CD93: variants seen among roughly 807,000 people sequenced by gnomAD.
CD93 encodes complement component C1q receptor.
CD93 carries 44 observed loss-of-function variants against 45.5 expected under a neutral mutation model. The observed-to-expected ratio is 0.97, with a 90% CI of 0.76 to 1.24. The LOEUF (loss-of-function observed/expected upper bound fraction) is 1.24. CD93 is among the 50% of genes most tolerant of loss of function. CD93 has a pLI of 0.00. For missense variants in CD93, 918 were observed against 844.5 expected, an observed-to-expected ratio of 1.09 and a Z score of -1.08; for synonymous variants, 431 against 370.8, an observed-to-expected ratio of 1.16 and a Z score of -1.87.
rs1466684218 is a variant in CD93 at position 23,085,536 on chromosome 20, A to G, written c.657T>C (p.Ser219=). 2 of 1,613,950 alleles carry G rather than the reference A, an allele frequency of 1.2e-6. No individual in the cohort carries two copies. Among genetic ancestry groups the G allele is most frequent in the South Asian group, 1.1e-5 (1 of 91,088 alleles). The change falls in exon 1 of 2, where the codon TCT becomes TCC. Residue 219 remains serine, a synonymous_variant. Coordinates refer to ENST00000246006, the MANE Select transcript of CD93 (RefSeq NM_012072.4). ...SSSLEAVPFA[S]AANVACGEGD... ...CTTCCCCACAGGCTACATTGGCCGC[A>G]GAGGCAAAGGGCACAGCCTCCAAGG...
Position 23,085,756 on chromosome 20 carries a change from A to C in CD93, c.437T>G (p.Leu146Arg), listed in dbSNP as rs1985478118. ...CISKRCVSLL[L>R]DLSQPLLPSR... ...GGGAAGGAGCGGCTGGGACAGGTCCAGCAGCAGAGACACACAGCGCTTGGA... is the reference window on the plus strand; with the variant it reads ...GGGAAGGAGCGGCTGGGACAGGTCCCGCAGCAGAGACACACAGCGCTTGGA... Residue 146 changes from leucine (L) to arginine (R), a missense_variant, in exon 1 of 2, where the codon CTG (leucine) becomes CGG (arginine). Leu to Arg is a moderately radical substitution (Grantham distance 102). Transcript: ENST00000246006. 6.2e-7 allele frequency: 1 copy of C among 1,610,508 alleles called. No homozygotes were observed. The highest frequency in any genetic ancestry group is 1.3e-5 in the African/African-American group (1 of 74,948).
chr20:23,085,987 G>A lies in CD93; in HGVS notation c.206C>T (p.Ala69Val), dbSNP rs748118858. 5 of 1,610,978 alleles carry A rather than the reference G, an allele frequency of 3.1e-6. No individual in the cohort carries two copies. The highest frequency in any genetic ancestry group is 4.2e-6 in the Non-Finnish European group (5 of 1,179,472). The change falls in exon 1 of 2, where the codon GCC becomes GTC. Residue 69 changes from alanine to valine, a missense_variant. Ala to Val is a moderately conservative substitution (Grantham distance 64). Transcript: ENST00000246006. ...NLATVKSKEE[A>V]QHVQRVLAQL... ...GGCCAGTACTCGCTGGACGTGCTGG[G>A]CCTCCTCCTTGCTCTTCACAGTGGC...
In CD93 at chr20:23,085,154, C is replaced by T; in HGVS notation, c.1039G>A (p.Asp347Asn). ...DSSQLDCVDV[D>N]ECQDSPCAQE... ...GCACAGGGGGAGTCCTGGCATTCAT[C>T]CACGTCCACACAGTCCAGCTGACTC... Residue 347 changes from aspartate (D) to asparagine (N), a missense_variant, in exon 1 of 2, where the codon GAT (aspartate) becomes AAT (asparagine). Transcript: ENST00000246006. 2 of 1,581,126 alleles carry T rather than the reference C, an allele frequency of 1.3e-6. No homozygotes were observed. The highest frequency in any genetic ancestry group is 1.7e-6 in the Non-Finnish European group (2 of 1,162,212).
At position 23,084,575 on chromosome 20, in the gene CD93, A is replaced by G. The variant is rs775280828; in HGVS notation, c.1618T>C (p.Ser540Pro). 1.2e-6 allele frequency: 2 copies of G among 1,612,082 alleles called. No homozygotes were observed. Among genetic ancestry groups the G allele is most frequent in the Admixed American group, 3.3e-5 (2 of 59,900 alleles). Reference protein sequence around the residue: ...APLKMLAPSGSPGVWREPSIH... With the variant: ...APLKMLAPSGPPGVWREPSIH... ...CTGGGCTCCCTCCAGACGCCTGGGGACCCACTGGGGGCCAGCATCTTGAGT... is the reference window on the plus strand; with the variant it reads ...CTGGGCTCCCTCCAGACGCCTGGGGGCCCACTGGGGGCCAGCATCTTGAGT... The change falls in exon 1 of 2, where the codon TCC (serine) becomes CCC (proline). Residue 540 changes from serine to proline, a missense_variant. Coordinates refer to ENST00000246006, the MANE Select transcript of CD93 (RefSeq NM_012072.4).
chr20:23,082,568 TGAGA>T lies in CD93; in HGVS notation c.*1378_*1381del, dbSNP rs759172920. 0.011 allele frequency: 1,602 copies of T among 146,864 alleles called. 29 individuals are homozygous for T. The highest frequency in any genetic ancestry group is 0.038 in the African/African-American group (1,457 of 38,344). The allele number at this position is 146,864 out of a possible 1,614,324, so 9.1% of individuals were successfully genotyped here. A position where few individuals can be genotyped will look rare whatever the true frequency, so the allele number is the denominator to read the frequency against. On this transcript the variant is annotated 3_prime_UTR_variant, in exon 2 of 2. Transcript: ENST00000246006. ...GTGTGTGTGTGTGTGTGTGTGTGTG[TGAGA>T]GAGAGAGAGAGAGAGAAAGAGTGCA...
chr20:23,084,995 A>C lies in CD93; in HGVS notation c.1198T>G (p.Cys400Gly). ...TGAAATGAGCCATCTGTGTTGGTGCAGCCCTGGGCGCAAGGCGAGCGACCC... is the reference window on the plus strand; with the variant it reads ...TGAAATGAGCCATCTGTGTTGGTGCCGCCCTGGGCGCAAGGCGAGCGACCC... ...ALGRSPCAQG[C>G]TNTDGSFHCS... The change falls in exon 1 of 2, where the codon TGC (cysteine) becomes GGC (glycine). Residue 400 changes from cysteine to glycine, a missense_variant. Coordinates refer to ENST00000246006, the MANE Select transcript of CD93 (RefSeq NM_012072.4). The C allele has an allele frequency of 6.2e-7, 1 of 1,613,920 alleles. No homozygotes were observed.
chr20:23,084,358 T>C lies in CD93; in HGVS notation c.1835A>G (p.Lys612Arg), dbSNP rs1165577853. 1.2e-6 allele frequency: 2 copies of C among 1,614,242 alleles called. No homozygotes were observed. Among genetic ancestry groups the C allele is most frequent in the Non-Finnish European group, 8.5e-7 (1 of 1,180,042 alleles). The stretch of plus-strand genomic sequence containing the variant: ...CTTCTTCTCCTTCTTCTCCTCCCTC[T>C]TCGCTCTCCGCTTGCGATAGACCAG... ...GLLVYRKRRA[K>R]REEKKEKKPQ... is the part of the protein sequence containing the mutation. Residue 612 changes from lysine to arginine, a missense_variant, in exon 1 of 2, where the codon AAG becomes AGG. Transcript: ENST00000246006.
At chr20:23,084,107 G>A (rs2122705985) in intron 1 of CD93, 133 bp from the exon 2 acceptor site, 1 of 1,411,860 alleles carries the variant, frequency 7.1e-7, no homozygotes, top group Admixed American at 1.7e-5. Flanking sequence ...CGAGTGCCTG[G>A]CGTGGGGGGA....
rs772853677 is a variant in CD93 at position 23,085,065 on chromosome 20, G to T, written c.1128C>A (p.Gly376=). The part of the protein sequence containing the change: ...RCECWVGYEP[G]GPGEGACQDV... ...CCTGACAGGCCCCCTCTCCAGGACC[G>T]CCCGGCTCATAGCCAACCCAGCATT... The change falls in exon 1 of 2, where the codon GGC becomes GGA. Residue 376 remains glycine (G), a synonymous_variant. Coordinates refer to ENST00000246006, the MANE Select transcript of CD93 (RefSeq NM_012072.4). 2.5e-6 allele frequency: 4 copies of T among 1,612,786 alleles called. No homozygotes were observed. The highest frequency in any genetic ancestry group is 1.7e-5 in the Admixed American group (1 of 59,898).
At chr20:23,084,034 C>T in intron 1 of CD93, 60 bp from the exon 2 acceptor site, 1 of 1,602,582 alleles carries the variant, frequency 6.2e-7, no homozygotes, top group East Asian at 2.2e-5. Context: ...TGCACGTCCC[C>T]ACCTTGGGAG....
rs1391960022 is a variant in CD93, at chr20:23,084,867, C to G, written c.1326G>C (p.Leu442Phe). 1.9e-6 allele frequency: 3 copies of G among 1,613,122 alleles called. No homozygotes were observed. The South Asian group carries it at 3.3e-5, about 18-fold the overall frequency. ...GGAAGGACCCTTGTGTGTTGAAGCA[C>G]AAGCTGTCGCAGAGGGGGCCCCCCG... ...VGPGGPLCDSLCFNTQGSFHC... is the reference protein window; with the variant it reads ...VGPGGPLCDSFCFNTQGSFHC... Residue 442 changes from leucine to phenylalanine, a missense_variant, in exon 1 of 2, where the codon TTG becomes TTC. Leu to Phe is a conservative substitution (Grantham distance 22). Transcript: ENST00000246006.
rs1418388021 is a variant in CD93 at position 23,084,665 on chromosome 20, G to A, written c.1528C>T (p.Pro510Ser). The A allele has an allele frequency of 1.9e-6, 3 of 1,587,526 alleles. No homozygotes were observed. Among genetic ancestry groups the A allele is most frequent in the South Asian group, 1.1e-5 (1 of 86,960 alleles). ...ASPTRGPEGT[P>S]KATPTTSRPS... is the part of the protein sequence containing the mutation. ...CTACTTGTGGTGGGTGTAGCCTTGG[G>A]GGTGCCCTCGGGGCCCCTTGTGGGA... The change falls in exon 1 of 2, where the codon CCC becomes TCC. Residue 510 changes from proline (P) to serine (S), a missense_variant. Coordinates refer to ENST00000246006, the MANE Select transcript of CD93 (RefSeq NM_012072.4).
In CD93 at chr20:23,084,401, C is replaced by T; in HGVS notation, c.1792G>A (p.Ala598Thr). ...TAGACCAGTAGCCCCAGAGCCAGGG[C>T]CAGCAGGAGTAGGATGGCCACCACG... Reference protein sequence around the residue: ...GTVVAILLLLALALGLLVYRK... With the variant: ...GTVVAILLLLTLALGLLVYRK... Residue 598 changes from alanine (A) to threonine (T), a missense_variant, in exon 1 of 2, where the codon GCC (alanine) becomes ACC (threonine). Transcript: ENST00000246006. 1 of 1,614,206 alleles carries T rather than the reference C, an allele frequency of 6.2e-7. No homozygotes were observed. The highest frequency in any genetic ancestry group is 8.5e-7 in the Non-Finnish European group (1 of 1,180,036).
In CD93 at chr20:23,085,047, G is replaced by C; in HGVS notation, c.1146C>G (p.Ala382=). 1 of 1,613,898 alleles carries C rather than the reference G, an allele frequency of 6.2e-7. No homozygotes were observed. Among genetic ancestry groups the C allele is most frequent in the Non-Finnish European group, 8.5e-7 (1 of 1,179,946 alleles). The change falls in exon 1 of 2, where the codon GCC becomes GCG. Residue 382 remains alanine, a synonymous_variant. Coordinates refer to ENST00000246006, the MANE Select transcript of CD93 (RefSeq NM_012072.4). ...GAGCACACTCATCCACATCCTGACA[G>C]GCCCCCTCTCCAGGACCGCCCGGCT... ...GYEPGGPGEG[A]CQDVDECALG...
Position 23,084,173 on chromosome 20 carries a change from C to T in CD93, c.1934+86G>A, listed in dbSNP as rs11087413. 851,418 of 1,519,054 alleles carry T rather than the reference C, an allele frequency of 0.56. 244,047 individuals are homozygous for T. Among genetic ancestry groups the T allele is most frequent in the East Asian group, 0.8 (35,243 of 44,318 alleles). The allele number at this position is 1,519,054 out of a possible 1,614,324, so 94.1% of individuals were successfully genotyped here. ...GTGTCTGCCCACAGGAAACCTGGGC[C>T]TGCTCTTGCTGCCACCTCTTTGTAC... On this transcript the variant is annotated intron_variant, in intron 1 of 1. Transcript: ENST00000246006.
chr20:23,083,806 G>C lies in CD93; in HGVS notation c.*144C>G. The stretch of plus-strand genomic sequence containing the variant: ...TAGAAAATACCTGCATGTTCCAAGG[G>C]GCCTTTAAGGAGGAGACTTACAATT... On this transcript the variant is annotated 3_prime_UTR_variant, in exon 2 of 2. Coordinates refer to ENST00000246006, the MANE Select transcript of CD93 (RefSeq NM_012072.4). The C allele has an allele frequency of 1.3e-6, 1 of 766,962 alleles. No individual in the cohort carries two copies. The highest frequency in any genetic ancestry group is 2.4e-6 in the Non-Finnish European group (1 of 424,460). The allele number at this position is 766,962 out of a possible 1,614,324, so 47.5% of individuals were successfully genotyped here.
Position 23,084,616 on chromosome 20 carries a change from G to A in CD93, c.1577C>T (p.Pro526Leu). 1 of 1,609,488 alleles carries A rather than the reference G, an allele frequency of 6.2e-7. No individual in the cohort carries two copies. The highest frequency in any genetic ancestry group is 8.5e-7 in the Non-Finnish European group (1 of 1,177,410). ...CATCTTGAGTGGGGCAGATGTGATG[G>A]GGGCGTCAGATGACAGCGAAGGTCT... ...TSRPSLSSDA[P>L]ITSAPLKMLA... The change falls in exon 1 of 2, where the codon CCC becomes CTC. Residue 526 changes from proline to leucine, a missense_variant. Transcript: ENST00000246006.
intron 1 of CD93, 45 bp downstream of exon 1, chr20:23,084,214 C>A (rs1323120706): frequency 3.1e-6 from 5 of 1,594,906 alleles, no homozygotes; most frequent in Non-Finnish European, 3.4e-6. Context: ...TCAGTGCCCC[C>A]ATGCCTGCCC....
Position 23,085,641 on chromosome 20 carries a change from G to A in CD93, c.552C>T (p.Phe184=). The A allele has an allele frequency of 6.2e-7, 1 of 1,612,466 alleles. No individual in the cohort carries two copies. The highest frequency in any genetic ancestry group is 8.5e-7 in the Non-Finnish European group (1 of 1,179,614). Residue 184 remains phenylalanine (F), a synonymous_variant, in exon 1 of 2, where the codon TTC becomes TTT. Transcript: ENST00000246006. The part of the protein sequence containing the change: ...NIEGFVCKFS[F]KGMCRPLALG... ...GGGCCAGAGGCCGGCACATGCCTTT[G>A]AAGCTGAACTTGCACACGAAGCCCT...
Sources: allele counts gnomAD v4.1 joint callset, GRCh38; gene constraint gnomAD v4.1.1; transcripts MANE v1.5; gene names NCBI Gene and HGNC (gene_info 2026-07-23, HGNC 2026-07-21).